Variants in RNF220 observed in about 807,000 individuals in gnomAD.
The protein encoded by RNF220 is ring finger protein 220.
RNF220 carries 7 observed loss-of-function variants against 67.1 expected under a neutral mutation model. The ratio of observed to expected loss-of-function variants is 0.10; its 90% confidence interval spans 0.06 to 0.20. The LOEUF (loss-of-function observed/expected upper bound fraction) is 0.20, where lower values mean the gene tolerates loss of function less well. Among genes scored for constraint, RNF220 ranks in the 10% least tolerant of loss-of-function variants. RNF220 has a pLI of 1.00. For synonymous variants in RNF220, 270 were observed against 283.2 expected (o/e 0.95, Z 0.47); for missense variants, 565 against 740.3 (o/e 0.76, Z 2.75).
intron 2 of RNF220, among the ~76,000 whole-genome samples, chr1:44,552,693 C>G (rs1252521278): frequency 6.6e-6 from 1 of 151,004 alleles, no homozygotes; most frequent in Non-Finnish European, 1.5e-5. Flanking sequence ...GCCTCAGCCT[C>G]CCGAGTAGCT....
intron 5 of RNF220, among the ~76,000 whole-genome samples, chr1:44,630,340 A>G (rs1478094206): frequency 6.6e-6 from 1 of 152,210 alleles, no homozygotes; most frequent in Admixed American, 6.5e-5. Context: ...GTCTATTACC[A>G]AGGAAACAGG....
chr1:44,597,437 A>G (rs1241694393), intron 2 of RNF220, among the ~76,000 whole-genome samples: 1 of 150,732 alleles, frequency 6.6e-6, no homozygotes, highest in African/African-American at 2.4e-5. Context: ...GTCTCAACAT[A>G]CATACACGCC....
chr1:44,547,473 T>C (rs1185332160), intron 2 of RNF220, among the ~76,000 whole-genome samples: 1 of 152,144 alleles, frequency 6.6e-6, no homozygotes, highest in Non-Finnish European at 1.5e-5. Flanking sequence ...CTTTTCTCTC[T>C]CGGCATCTCT....
chr1:44,411,945 C>T (rs948654566), intron 1 of RNF220, 36 bp from the exon 2 acceptor site: 9 of 802,232 alleles, frequency 1.1e-5, no homozygotes, highest in South Asian at 9.2e-5. Context: ...CCTGACTTTC[C>T]TCCCCCTTCT....
intron 2 of RNF220, among the ~76,000 whole-genome samples, chr1:44,605,311 A>AG (rs1667196390): frequency 7.0e-6 from 1 of 143,410 alleles, no homozygotes. Flanking sequence ...AAAAAAAAAA[A>AG]AGAAAAGAAA....
intron 1 of RNF220, among the ~76,000 whole-genome samples, chr1:44,407,798 G>A (rs1443153811): frequency 6.6e-6 from 1 of 152,206 alleles, no homozygotes; most frequent in Non-Finnish European, 1.5e-5. Context: ...GGAGTCCGCG[G>A]CTGCCCGCTG....
intron 2 of RNF220, among the ~76,000 whole-genome samples, chr1:44,552,625 C>T (rs1662744263): frequency 8.8e-6 from 1 of 113,360 alleles, no homozygotes; most frequent in Non-Finnish European, 1.7e-5. Context: ...GGCTGGAGTG[C>T]AGTTGCGCAA....
At chr1:44,585,228 C>T (rs148855322) in intron 2 of RNF220, among the ~76,000 whole-genome samples, 16 of 152,300 alleles carry the variant, frequency 1.1e-4, no homozygotes, top group African/African-American at 3.4e-4. Context: ...GACTAATGTC[C>T]CTCACTAGCA....
chr1:44,601,654 A>G (rs1666927083), intron 2 of RNF220, among the ~76,000 whole-genome samples: 1 of 152,194 alleles, frequency 6.6e-6, no homozygotes, highest in Admixed American at 6.5e-5. Context: ...ACTAAATTTC[A>G]GAGTGAAGGA....
chr1:44,564,823 C>G (rs1366193510), intron 2 of RNF220, among the ~76,000 whole-genome samples: 1 of 152,066 alleles, frequency 6.6e-6, no homozygotes, highest in Non-Finnish European at 1.5e-5. Context: ...ATCTGTTCTC[C>G]ACAACACATG....
intron 1 of RNF220, among the ~76,000 whole-genome samples, chr1:44,407,200 A>C (rs1316970944): frequency 6.6e-6 from 1 of 151,000 alleles, no homozygotes; most frequent in Non-Finnish European, 1.5e-5. Flanking sequence ...AGAGCACCGC[A>C]CTCGCTGCCC....
At chr1:44,532,868 G>A (rs533973573) in intron 2 of RNF220, among the ~76,000 whole-genome samples, 8 of 152,200 alleles carry the variant, frequency 5.3e-5, no homozygotes, top group Non-Finnish European at 1.2e-4. Flanking sequence ...CTGCTGAATG[G>A]TCCTGCCCCT....
rs549945169 is a variant in RNF220, at chr1:44,508,328, G to A, written c.625+95606G>A. ...TTGCTAGTGCATCTCCAGGGTGTTC[G>A]TTGTAAGGAGAGATGGGCGAGTCGT... On this transcript the variant is annotated intron_variant, in intron 2 of 14. Transcript: ENST00000361799. 1.4e-4 allele frequency among the ~76,000 whole-genome samples: 22 copies of A among 152,206 alleles called. No individual in the cohort carries two copies. The South Asian group carries it at 2.7e-3, about 19-fold the overall frequency.
chr1:44,632,401 C>CCCCT lies in RNF220; in HGVS notation c.949+23_949+26dup, dbSNP rs1557461069. 2 of 1,596,300 alleles carry CCCCT rather than the reference C, an allele frequency of 1.3e-6. No homozygotes were observed. The highest frequency in any genetic ancestry group is 2.3e-5 in the East Asian group (1 of 44,348). ...CGACTGAATGGTGAGTCCTGCCCGG[C>CCCCT]CCCTCCCTCCGCCCCACCCCCGGCC... On this transcript the variant is annotated intron_variant, in intron 6 of 14. Transcript: ENST00000361799.
intron 2 of RNF220, among the ~76,000 whole-genome samples, chr1:44,447,603 C>T (rs1385492475): frequency 6.6e-5 from 10 of 152,096 alleles, no homozygotes; most frequent in Admixed American, 4.6e-4. Context: ...AATATGTAGC[C>T]GCCATGGATG....
intron 2 of RNF220, among the ~76,000 whole-genome samples, chr1:44,592,419 C>T (rs1337431155): frequency 6.6e-6 from 1 of 152,100 alleles, no homozygotes; most frequent in Non-Finnish European, 1.5e-5. Context: ...GCCCAGCCCC[C>T]TACGCAGCTG....
chr1:44,614,657 G>A (rs1446616047), intron 3 of RNF220, among the ~76,000 whole-genome samples: 1 of 152,186 alleles, frequency 6.6e-6, no homozygotes, highest in Admixed American at 6.5e-5. Context: ...CCTCAGAAGT[G>A]CAGCCAAGTC....
chr1:44,614,916 T>C (rs2148430852), intron 3 of RNF220, among the ~76,000 whole-genome samples: 1 of 152,286 alleles, frequency 6.6e-6, no homozygotes, highest in East Asian at 1.9e-4. Flanking sequence ...AAAGCAACCA[T>C]TTCATTGTGC....
intron 2 of RNF220, among the ~76,000 whole-genome samples, chr1:44,518,501 G>A (rs546486318): frequency 6.6e-6 from 1 of 152,280 alleles, no homozygotes; most frequent in East Asian, 1.9e-4. Flanking sequence ...CAGGCATTCA[G>A]TGGGGGAAAA....
Sources: allele counts gnomAD v4.1 joint callset (sites outside exome capture counted in the v4.1 genomes callset), GRCh38; gene constraint gnomAD v4.1.1; transcripts MANE v1.5; gene names NCBI Gene and HGNC (gene_info 2026-07-23, HGNC 2026-07-21).